Variants in GLI3 observed in about 807,000 individuals in gnomAD.
The protein encoded by GLI3 is transcription activator GLI3.
In GLI3, 20 loss-of-function variants were observed where a neutral mutation model predicts 100.8. The ratio of observed to expected loss-of-function variants is 0.20; its 90% CI spans 0.14 to 0.29. GLI3 has a LOEUF of 0.29. Ranked by LOEUF, GLI3 falls within the 10% of genes least tolerant of loss-of-function variation. The pLI is 1.00. For missense variants in GLI3, 2,040 were observed against 2,128.5 expected (o/e 0.96, Z 0.82); for synonymous variants, 938 against 860.5 (o/e 1.09, Z -1.58).
intron 4 of GLI3, among the ~76,000 whole-genome samples, chr7:42,056,634 C>T (rs1330191435): frequency 2.0e-5 from 3 of 152,008 alleles, no homozygotes; most frequent in African/African-American, 7.2e-5. Context: ...AATGATGAAA[C>T]ATTACTTCAA....
At chr7:42,195,584 G>A in intron 2 of GLI3, among the ~76,000 whole-genome samples, 1 of 152,080 alleles carries the variant, frequency 6.6e-6, no homozygotes, top group East Asian at 1.9e-4. Context: ...GTTCCCAATG[G>A]TGCCAGTGCC....
Position 41,964,238 on chromosome 7 carries a change from A to C in GLI3, c.*92T>G. On this transcript the variant is annotated 3_prime_UTR_variant, in exon 15 of 15. Coordinates refer to ENST00000395925, the MANE Select transcript of GLI3 (RefSeq NM_000168.6). The stretch of plus-strand genomic sequence containing the variant: ...AGGTGAGATGAGATTGCTAAAATAC[A>C]TACAGAACTAAAAAAACAGCCAAAA... 1.9e-6 allele frequency: 2 copies of C among 1,056,788 alleles called. No homozygotes were observed. The highest frequency in any genetic ancestry group is 2.4e-5 in the East Asian group (1 of 41,220). The allele number at this position is 1,056,788 out of a possible 1,614,324, so 65.5% of individuals were successfully genotyped here.
intron 1 of GLI3, among the ~76,000 whole-genome samples, chr7:42,248,798 A>AT (rs1370521637): frequency 7.0e-6 from 1 of 142,380 alleles, no homozygotes; most frequent in Non-Finnish European, 1.6e-5. Context: ...TTATTCATTT[A>AT]TTTTTTTTGA....
chr7:42,070,056 T>A (rs1784754958), intron 4 of GLI3, among the ~76,000 whole-genome samples: 1 of 152,244 alleles, frequency 6.6e-6, no homozygotes, highest in African/African-American at 2.4e-5. Flanking sequence ...TTTACCGCTA[T>A]AATCACTAAT....
intron 3 of GLI3, among the ~76,000 whole-genome samples, chr7:42,081,561 G>A (rs984488655): frequency 7.9e-5 from 12 of 152,268 alleles, no homozygotes; most frequent in East Asian, 5.8e-4. Context: ...CATTAGGAAC[G>A]AGAGGCATTG....
At position 41,964,589 on chromosome 7, in the gene GLI3, T is replaced by C. The variant is rs1239124312; in HGVS notation, c.4484A>G (p.Asp1495Gly). The change falls in exon 15 of 15, where the codon GAC becomes GGC. Residue 1495 changes from aspartate to glycine, a missense_variant. Physicochemically the swap from Asp to Gly is moderately conservative, Grantham distance 94. Transcript: ENST00000395925. Reference protein sequence around the residue: ...NQVTSTVDSLDSHDLEGVQID... With the variant: ...NQVTSTVDSLGSHDLEGVQID... ...CTGTACCCCTTCCAGGTCATGGCTG[T>C]CGAGGCTGTCCACTGTGCTTGTCAC... is the stretch of plus-strand genomic sequence containing the variant. 1.9e-6 allele frequency: 3 copies of C among 1,614,172 alleles called. No individual in the cohort carries two copies. The highest frequency in any genetic ancestry group is 3.3e-5 in the Admixed American group (2 of 60,038).
chr7:42,075,258 A>G (rs926025513), intron 4 of GLI3, among the ~76,000 whole-genome samples: 1 of 152,240 alleles, frequency 6.6e-6, no homozygotes, highest in South Asian at 2.1e-4. Context: ...ATCATTTCTG[A>G]AAGAATGAAG....
At chr7:42,131,319 G>C (rs1156244579) in intron 3 of GLI3, among the ~76,000 whole-genome samples, 3 of 152,092 alleles carry the variant, frequency 2.0e-5, no homozygotes, top group Non-Finnish European at 4.4e-5. Flanking sequence ...GGGAGTGGGG[G>C]GATGTAAGAC....
intron 4 of GLI3, among the ~76,000 whole-genome samples, chr7:42,056,880 G>A (rs957820920): frequency 7.3e-5 from 11 of 151,716 alleles, no homozygotes; most frequent in Non-Finnish European, 1.3e-4. Flanking sequence ...TACTTGCAAG[G>A]CTGAGGCTGC....
intron 2 of GLI3, among the ~76,000 whole-genome samples, chr7:42,184,839 C>T (rs1441024226): frequency 6.6e-6 from 1 of 152,138 alleles, no homozygotes; most frequent in East Asian, 1.9e-4. Context: ...ACAACTCTTA[C>T]TCCCCACTGG....
chr7:42,107,134 A>G (rs1785595495), intron 3 of GLI3, among the ~76,000 whole-genome samples: 2 of 152,046 alleles, frequency 1.3e-5, no homozygotes, highest in Non-Finnish European at 2.9e-5. Context: ...TGGGCAACAC[A>G]GCAAGACCCT....
At chr7:42,179,507 C>T (rs1252204014) in intron 2 of GLI3, among the ~76,000 whole-genome samples, 1 of 152,116 alleles carries the variant, frequency 6.6e-6, no homozygotes, top group Non-Finnish European at 1.5e-5. Flanking sequence ...TAAAGGCTCA[C>T]TGTGTTGACA....
At chr7:42,188,963 C>A (rs144271716) in intron 2 of GLI3, among the ~76,000 whole-genome samples, 3 of 152,248 alleles carry the variant, frequency 2.0e-5, no homozygotes, top group African/African-American at 7.2e-5. Flanking sequence ...ATGGACAACA[C>A]CAAGAGTGTC....
chr7:42,172,585 G>A (rs542995161), intron 2 of GLI3: 1 of 703,040 alleles, frequency 1.4e-6, no homozygotes, highest in African/African-American at 1.7e-5. Context: ...GCCCATCCAA[G>A]AGGATCTGTG....
intron 4 of GLI3, among the ~76,000 whole-genome samples, chr7:42,069,224 C>T (rs1483750146): frequency 6.6e-6 from 1 of 152,220 alleles, no homozygotes; most frequent in Non-Finnish European, 1.5e-5. Context: ...CCTGCTTTCT[C>T]TGCAACTGAG....
chr7:42,084,165 A>C (rs1785053349), intron 3 of GLI3, among the ~76,000 whole-genome samples: 4 of 152,172 alleles, frequency 2.6e-5, no homozygotes, highest in Admixed American at 2.6e-4. Flanking sequence ...TTTTAGACCT[A>C]AATGCTACCC....
chr7:41,987,924 T>A (rs145935578), intron 10 of GLI3, among the ~76,000 whole-genome samples: 1 of 152,342 alleles, frequency 6.6e-6, no homozygotes, highest in East Asian at 1.9e-4. Flanking sequence ...CTCAAACTCA[T>A]ATAAATAGAA....
intron 10 of GLI3, among the ~76,000 whole-genome samples, chr7:42,013,763 A>G (rs572069490): frequency 6.6e-6 from 1 of 152,348 alleles, no homozygotes; most frequent in Admixed American, 6.5e-5. Flanking sequence ...AAACTTGACT[A>G]GCACTGTAGT....
chr7:42,137,252 C>T (rs1786450853), intron 3 of GLI3, among the ~76,000 whole-genome samples: 1 of 152,204 alleles, frequency 6.6e-6, no homozygotes, highest in African/African-American at 2.4e-5. Context: ...CAGCAGCCTG[C>T]TAAGTCACCT....
Sources: gnomAD v4.1 joint callset for allele counts (sites outside exome capture counted in the v4.1 genomes callset) on GRCh38, gnomAD v4.1.1 for gene constraint, MANE v1.5 for transcripts, NCBI Gene and HGNC (gene_info 2026-07-23, HGNC 2026-07-21) for gene names.